CORO2B: variants seen among roughly 807,000 people sequenced by gnomAD.
CORO2B encodes coronin 2B, also known as coronin-2B.
CORO2B carries 26 observed loss-of-function variants against 58.8 expected under a neutral mutation model. The observed-to-expected ratio is 0.44, with a 90% confidence interval of 0.32 to 0.61. CORO2B has a LOEUF of 0.61. Among genes scored for constraint, CORO2B ranks in the 20% least tolerant of loss-of-function variants. The pLI is 0.04. For missense variants in CORO2B, 460 were observed against 645.1 expected, an observed-to-expected ratio of 0.71 and a Z score of 3.11; for synonymous variants, 242 against 253.8, an observed-to-expected ratio of 0.95 and a Z score of 0.44.
chr15:68,563,204 C>A, the CORO2B span, among the ~76,000 whole-genome samples: 6 of 151,662 alleles, frequency 4.0e-5, no homozygotes, highest in Non-Finnish European at 7.4e-5. Context: ...AGAGTAGAGA[C>A]TGGCCAGGCA....
intron 1 of CORO2B, among the ~76,000 whole-genome samples, chr15:68,586,533 G>T (rs1040706364): frequency 2.0e-5 from 3 of 152,196 alleles, no homozygotes. Flanking sequence ...ATGAGAGCAT[G>T]GTACAAGTAT....
the CORO2B span, among the ~76,000 whole-genome samples, chr15:68,540,044 C>A: frequency 1.3e-5 from 2 of 152,300 alleles, 1 homozygote; most frequent in Non-Finnish European, 2.9e-5. Flanking sequence ...CACCAAAACT[C>A]AACTAGTAGG....
At chr15:68,576,018 T>G (rs1413476005), upstream of CORO2B, among the ~76,000 whole-genome samples, 1 of 150,534 alleles carries the variant, frequency 6.6e-6, no homozygotes, top group African/African-American at 2.4e-5. Flanking sequence ...TCAGGTGGGG[T>G]GGCGGGCACC....
At chr15:68,712,294 A>G (rs1013858813) in intron 5 of CORO2B, among the ~76,000 whole-genome samples, 4 of 152,190 alleles carry the variant, frequency 2.6e-5, no homozygotes, top group Non-Finnish European at 5.9e-5. Context: ...TCTACACAAG[A>G]AGGGATTAAT....
chr15:68,558,538 A>C, the CORO2B span, among the ~76,000 whole-genome samples: 1 of 151,992 alleles, frequency 6.6e-6, no homozygotes, highest in South Asian at 2.1e-4. Context: ...CCATTCCCCC[A>C]GGTAACTTAT....
the CORO2B span, among the ~76,000 whole-genome samples, chr15:68,573,893 A>T: frequency 2.0e-5 from 3 of 152,218 alleles, no homozygotes; most frequent in Non-Finnish European, 4.4e-5. Context: ...AGACCATTCC[A>T]ATCACAGTCT....
chr15:68,564,156 G>A, the CORO2B span, among the ~76,000 whole-genome samples: 1 of 152,112 alleles, frequency 6.6e-6, no homozygotes, highest in Non-Finnish European at 1.5e-5. Context: ...GTGTTGAGGG[G>A]GATAGCAAAA....
At chr15:68,555,553 C>T in the CORO2B span, among the ~76,000 whole-genome samples, 1 of 152,190 alleles carries the variant, frequency 6.6e-6, no homozygotes, top group African/African-American at 2.4e-5. Flanking sequence ...GGACTCATCC[C>T]TTACTCTATG....
the CORO2B span, among the ~76,000 whole-genome samples, chr15:68,535,223 G>T: frequency 6.6e-6 from 1 of 152,286 alleles, no homozygotes; most frequent in Admixed American, 6.5e-5. Context: ...GATCCCAAAG[G>T]TAGAGGCCTA....
In CORO2B at chr15:68,711,580, G is replaced by C; in HGVS notation, c.522G>C (p.Lys174Asn). ...ACCTGGATGTGGGTGAGCCGGTGAA[G>C]ATGATTGACTGCCACACGGATGTGA... ...IWNLDVGEPV[K>N]MIDCHTDVIL... Residue 174 changes from lysine (K) to asparagine (N), a missense_variant, in exon 5 of 12, where the codon AAG (lysine) becomes AAC (asparagine). Lys to Asn is a moderately conservative substitution (Grantham distance 94, BLOSUM62 0). This residue lies in a region of CORO2B where 352 missense variants were observed against 543.0 expected (regional missense o/e 0.65). Coordinates refer to ENST00000261861, the MANE Select transcript of CORO2B (RefSeq NM_006091.5). 1 of 1,613,822 alleles carries C rather than the reference G, an allele frequency of 6.2e-7. No homozygotes were observed. The highest frequency in any genetic ancestry group is 8.5e-7 in the Non-Finnish European group (1 of 1,179,832).
chr15:68,536,587 TG>T, the CORO2B span, among the ~76,000 whole-genome samples: 1 of 152,190 alleles, frequency 6.6e-6, no homozygotes, highest in African/African-American at 2.4e-5. Flanking sequence ...CTTTGCAAAG[TG>T]TGATTGTGAT....
intron 1 of CORO2B, among the ~76,000 whole-genome samples, chr15:68,624,172 G>A (rs1900608922): frequency 6.6e-6 from 1 of 152,120 alleles, no homozygotes; most frequent in Non-Finnish European, 1.5e-5. Flanking sequence ...CCATGTCAGG[G>A]TGCTCTGTAA....
chr15:68,708,475 C>T (rs760265563), intron 3 of CORO2B, among the ~76,000 whole-genome samples: 78 of 151,544 alleles, frequency 5.1e-4, no homozygotes, highest in Non-Finnish European at 8.7e-4. Flanking sequence ...ATTCTCCTGC[C>T]TCAGCAGCCC....
chr15:68,686,973 A>G (rs1180924084), intron 2 of CORO2B, among the ~76,000 whole-genome samples: 4 of 152,152 alleles, frequency 2.6e-5, no homozygotes, highest in East Asian at 3.9e-4. Context: ...CTCACTCATC[A>G]AATAGTCTTT....
intron 3 of CORO2B, among the ~76,000 whole-genome samples, chr15:68,703,960 G>C (rs1420141880): frequency 6.6e-6 from 1 of 151,890 alleles, no homozygotes; most frequent in Non-Finnish European, 1.5e-5. Flanking sequence ...TTGCAAGGCA[G>C]AGGTGGGCAG....
intron 1 of CORO2B, among the ~76,000 whole-genome samples, chr15:68,604,165 T>C (rs1207350490): frequency 6.6e-6 from 1 of 152,184 alleles, no homozygotes; most frequent in Non-Finnish European, 1.5e-5. Flanking sequence ...GTCGTTCTTA[T>C]CACGTTCGCT....
upstream of CORO2B, among the ~76,000 whole-genome samples, chr15:68,577,978 C>G (rs1290942909): frequency 6.6e-6 from 1 of 152,126 alleles, no homozygotes; most frequent in East Asian, 1.9e-4. Flanking sequence ...GGCTGTCCTG[C>G]TTGGAGAACC....
At chr15:68,703,205 C>G (rs1405001864) in intron 3 of CORO2B, among the ~76,000 whole-genome samples, 1 of 136,926 alleles carries the variant, frequency 7.3e-6, no homozygotes, top group African/African-American at 2.8e-5. Context: ...GGCTGTCATG[C>G]AGTGGCGCGA....
chr15:68,589,981 C>T (rs1899659816), intron 1 of CORO2B, among the ~76,000 whole-genome samples: 1 of 152,158 alleles, frequency 6.6e-6, no homozygotes, highest in African/African-American at 2.4e-5. Flanking sequence ...CCCCGGCTCT[C>T]CCTCCTGGAA....
Sources: allele counts gnomAD v4.1 joint callset (sites outside exome capture counted in the v4.1 genomes callset), GRCh38; gene constraint gnomAD v4.1.1; regional missense constraint gnomAD v4.1.1; transcripts MANE v1.5; gene names NCBI Gene and HGNC (gene_info 2026-07-23, HGNC 2026-07-21).